The following SORBS2 variants were observed in gnomAD, a reference collection of about 807,000 sequenced individuals.
SORBS2 encodes the protein sorbin and SH3 domain-containing protein 2.
Under a neutral mutation model 97.7 loss-of-function variants are expected in SORBS2, and 46 were observed. The ratio of observed to expected loss-of-function variants is 0.47; its 90% CI spans 0.37 to 0.60. The LOEUF is 0.60. Ranked by LOEUF, SORBS2 falls within the 20% of genes least tolerant of loss-of-function variation. The probability of loss-of-function intolerance (pLI) is 0.00; values close to 1 mark genes in which losing one functional copy is unlikely to be tolerated. For synonymous variants in SORBS2, 476 were observed against 473.4 expected (o/e 1.01, Z -0.07); for missense variants, 1,316 against 1,282.3 (o/e 1.03, Z -0.40).
intron 12 of SORBS2, among the ~76,000 whole-genome samples, chr4:185,601,205 A>G (rs1192855231): frequency 6.6e-6 from 1 of 152,214 alleles, no homozygotes; most frequent in Non-Finnish European, 1.5e-5. Flanking sequence ...GTGGCAGACG[A>G]TGCTTGATGC....
At chr4:185,624,563 G>A in intron 6 of SORBS2, 69 bp from the exon 19 acceptor site, 1 of 1,468,878 alleles carries the variant, frequency 6.8e-7, no homozygotes, top group Non-Finnish European at 9.0e-7. Flanking sequence ...AAAGAGAGGA[G>A]AGCATGTCAG....
rs549375937 is a variant in SORBS2 at position 185,945,424 on chromosome 4, G to A, written c.-338+10772C>T. On this transcript the variant is annotated intron_variant, in intron 1 of 20. Transcript: ENST00000284776. ...AATTTTTGACTGAGGTTAGGTCAAGGGTAGGCACATTTAATAGGCAACATT... is the reference window on the plus strand; with the variant it reads ...AATTTTTGACTGAGGTTAGGTCAAGAGTAGGCACATTTAATAGGCAACATT... Among the ~76,000 whole-genome samples the A allele has an allele frequency of 9.2e-5, 14 of 152,248 alleles. No individual in the cohort carries two copies. The East Asian group carries it at 2.1e-3, about 23-fold the overall frequency.
intron 2 of SORBS2, among the ~76,000 whole-genome samples, chr4:185,692,775 C>T (rs978087002): frequency 2.0e-5 from 3 of 147,978 alleles, no homozygotes; most frequent in Non-Finnish European, 4.5e-5. Context: ...GTGTAATCCT[C>T]GTTTTGCTAT....
At chr4:185,870,492 C>A (rs2099229785) in intron 1 of SORBS2, among the ~76,000 whole-genome samples, 4 of 152,208 alleles carry the variant, frequency 2.6e-5, no homozygotes, top group Non-Finnish European at 1.5e-5. Flanking sequence ...TGTCTCTGAT[C>A]CTGTTTGAAC....
At chr4:185,675,714 T>C (rs933577800) in intron 4 of SORBS2, among the ~76,000 whole-genome samples, 3 of 152,198 alleles carry the variant, frequency 2.0e-5, no homozygotes, top group Non-Finnish European at 4.4e-5. Flanking sequence ...TAATATTTGT[T>C]AGCTCCTATT....
chr4:185,638,875 A>G lies in SORBS2; in HGVS notation c.396+7793T>C. ...AGAAAGGTAAGGAAGGAAGGAGCTC[A>G]CCCGGGTGGGAGACAGAGCCGGGGC... is the stretch of plus-strand genomic sequence containing the variant. On this transcript the variant is annotated intron_variant, in intron 4 of 14. Coordinates refer to ENST00000418609, the Ensembl canonical transcript of SORBS2. 1 of 1,462,200 alleles carries G rather than the reference A, an allele frequency of 6.8e-7. No individual in the cohort carries two copies. Among genetic ancestry groups the G allele is most frequent in the Admixed American group, 3.1e-5 (1 of 32,522 alleles). The allele number at this position is 1,462,200 out of a possible 1,614,324, so 90.6% of individuals were successfully genotyped here. A position where few individuals can be genotyped will look rare whatever the true frequency, so the allele number is the denominator to read the frequency against.
chr4:185,589,832 A>T (rs1266662453), intron 13 of SORBS2, 47 bp from the exon 26 acceptor site: 1 of 985,422 alleles, frequency 1.0e-6, no homozygotes, highest in South Asian at 1.3e-5. Flanking sequence ...TGACACCTTC[A>T]TGAAATATAG....
At chr4:185,589,971 A>G in intron 13 of SORBS2, 186 bp from the exon 26 acceptor site, 1 of 477,438 alleles carries the variant, frequency 2.1e-6, no homozygotes, top group South Asian at 3.5e-5. Flanking sequence ...GCAGGTACAT[A>G]GCAATATGTA....
chr4:185,905,214 AC>A (rs2099250102), intron 1 of SORBS2, among the ~76,000 whole-genome samples: 2 of 152,166 alleles, frequency 1.3e-5, no homozygotes, highest in South Asian at 4.2e-4. Context: ...GGGCCAAAAA[AC>A]CCCAGGGAAA....
intron 2 of SORBS2, among the ~76,000 whole-genome samples, chr4:185,750,664 TAACA>T (rs949788195): frequency 6.6e-6 from 1 of 152,194 alleles, no homozygotes; most frequent in African/African-American, 2.4e-5. Context: ...AATTCTAAAA[TAACA>T]AACAAACAAT....
intron 11 of SORBS2, among the ~76,000 whole-genome samples, chr4:185,612,279 G>C (rs1202414662): frequency 6.6e-6 from 1 of 152,120 alleles, no homozygotes; most frequent in Non-Finnish European, 1.5e-5. Context: ...ATTTGTCTAA[G>C]TTATTTCAAA....
At chr4:185,860,843 A>G (rs1044854848) in intron 1 of SORBS2, among the ~76,000 whole-genome samples, 2 of 152,188 alleles carry the variant, frequency 1.3e-5, no homozygotes, top group Admixed American at 1.3e-4. Flanking sequence ...GTCTGGGTGA[A>G]GATAAGAGGT....
intron 1 of SORBS2, among the ~76,000 whole-genome samples, chr4:185,917,695 G>A (rs1323538651): frequency 1.3e-5 from 2 of 152,142 alleles, no homozygotes; most frequent in Admixed American, 6.5e-5. Flanking sequence ...AAAAATTGGG[G>A]AGAGGCAGAC....
intron 1 of SORBS2, among the ~76,000 whole-genome samples, chr4:185,862,989 C>T (rs968336503): frequency 5.9e-5 from 9 of 152,218 alleles, no homozygotes; most frequent in Non-Finnish European, 2.9e-5. Flanking sequence ...TACCTCTATG[C>T]CCCCTCATCC....
At chr4:185,950,089 T>C (rs997668917) in intron 1 of SORBS2, among the ~76,000 whole-genome samples, 3 of 152,008 alleles carry the variant, frequency 2.0e-5, no homozygotes, top group Non-Finnish European at 4.4e-5. Flanking sequence ...CCATCTCTAC[T>C]AAAAATACAA....
chr4:185,714,644 G>A (rs189052345), intron 2 of SORBS2, among the ~76,000 whole-genome samples: 352 of 152,286 alleles, frequency 2.3e-3, no homozygotes, highest in Non-Finnish European at 3.6e-3. Context: ...GGCTGGGGAG[G>A]CCTCACCGTC....
chr4:185,953,029 C>T (rs2099277928), intron 1 of SORBS2, among the ~76,000 whole-genome samples: 1 of 152,142 alleles, frequency 6.6e-6, no homozygotes, highest in Non-Finnish European at 1.5e-5. Flanking sequence ...TCAAATGTTT[C>T]CCAGGCCGGG....
chr4:185,844,420 C>A (rs1480481229), intron 1 of SORBS2, among the ~76,000 whole-genome samples: 1 of 151,382 alleles, frequency 6.6e-6, no homozygotes, highest in Admixed American at 6.6e-5. Context: ...CACTTCACAC[C>A]CATGAGAATG....
intron 1 of SORBS2, among the ~76,000 whole-genome samples, chr4:185,874,520 T>C (rs1561256582): frequency 1.3e-5 from 2 of 152,198 alleles, no homozygotes; most frequent in South Asian, 4.1e-4. Context: ...TTCATACTTA[T>C]GATTTCCAAA....
Sources: gnomAD v4.1 joint callset for allele counts (sites outside exome capture counted in the v4.1 genomes callset) on GRCh38, gnomAD v4.1.1 for gene constraint, MANE v1.5 for transcripts, NCBI Gene and HGNC (gene_info 2026-07-23, HGNC 2026-07-21) for gene names.